The following SYT16 variants were observed in gnomAD, a reference collection of about 807,000 sequenced individuals.
SYT16 encodes the protein synaptotagmin-16.
A neutral mutation model predicts 61.4 loss-of-function variants in SYT16; 42 were observed. The observed-to-expected ratio is 0.68, with a 90% CI of 0.53 to 0.89. The LOEUF (loss-of-function observed/expected upper bound fraction) is 0.89, where lower values mean the gene tolerates loss of function less well. Ranked by LOEUF, SYT16 falls within the 40% of genes least tolerant of loss-of-function variation. The pLI is 0.00. For missense variants in SYT16, 804 were observed against 807.3 expected (o/e 1.00, Z 0.05); for synonymous variants, 314 against 302.3 (o/e 1.04, Z -0.40).
intron 1 of SYT16, among the ~76,000 whole-genome samples, chr14:61,922,274 A>G (rs1160593357): frequency 6.6e-6 from 1 of 152,252 alleles, no homozygotes; most frequent in Non-Finnish European, 1.5e-5. Flanking sequence ...AAAGACATGG[A>G]ATCAACCTAA....
At chr14:62,036,676 C>T (rs1002906829) in intron 3 of SYT16, among the ~76,000 whole-genome samples, 11 of 152,240 alleles carry the variant, frequency 7.2e-5, no homozygotes, top group Admixed American at 4.6e-4. Flanking sequence ...GCAAGAGAGC[C>T]TGTGCAGGGG....
intron 1 of SYT16, among the ~76,000 whole-genome samples, chr14:61,911,244 C>G (rs1025688459): frequency 6.6e-6 from 1 of 152,182 alleles, no homozygotes; most frequent in African/African-American, 2.4e-5. Context: ...CGGCCATAGA[C>G]TAGAACCTAC....
intron 1 of SYT16, among the ~76,000 whole-genome samples, chr14:61,877,995 G>C (rs2047560156): frequency 6.6e-6 from 1 of 152,124 alleles, no homozygotes. Context: ...TGGGCACACA[G>C]ACACACACTG....
In SYT16 at chr14:62,108,524, A is replaced by C. The variant is rs1003948789; in HGVS notation, c.*7817A>C. ...CTTTTTTGAGAGTGTTTCTTTGTCA[A>C]GTTCCTTATAGCCAATGCCTTGACC... is the stretch of plus-strand genomic sequence containing the variant. On this transcript the variant is annotated 3_prime_UTR_variant, in exon 8 of 8. Coordinates refer to ENST00000683842, the MANE Select transcript of SYT16 (RefSeq NM_001367656.1). The C allele has an allele frequency of 1.3e-5, 2 of 152,136 alleles. No homozygotes were observed. The highest frequency in any genetic ancestry group is 2.9e-5 in the Non-Finnish European group (2 of 68,016). The allele number at this position is 152,136 out of a possible 1,614,324, so 9.4% of individuals were successfully genotyped here.
At chr14:61,970,923 G>A (rs112946063) in intron 2 of SYT16, among the ~76,000 whole-genome samples, 2,504 of 132,648 alleles carry the variant, frequency 0.019, 27 homozygotes, top group Non-Finnish European at 0.028. Context: ...TCTTACAGAC[G>A]ATAACTTTGC....
intron 1 of SYT16, among the ~76,000 whole-genome samples, chr14:61,848,525 G>T (rs2046511957): frequency 6.6e-6 from 1 of 152,122 alleles, no homozygotes; most frequent in South Asian, 2.1e-4. Flanking sequence ...GTCAGACCTG[G>T]AACCAGCACA....
At chr14:61,945,415 A>G (rs1220905904) in intron 1 of SYT16, among the ~76,000 whole-genome samples, 4 of 152,220 alleles carry the variant, frequency 2.6e-5, no homozygotes, top group Admixed American at 6.5e-5. Flanking sequence ...AAATCATTGT[A>G]CTATAAAGAC....
intron 1 of SYT16, among the ~76,000 whole-genome samples, chr14:61,882,249 AT>A (rs1038971364): frequency 5.9e-5 from 9 of 152,348 alleles, no homozygotes; most frequent in Admixed American, 2.6e-4. Context: ...GGATTGCACT[AT>A]TAAAAAAAAT....
chr14:62,087,981 G>A (rs1425016435), intron 7 of SYT16, among the ~76,000 whole-genome samples: 1 of 152,166 alleles, frequency 6.6e-6, no homozygotes, highest in Non-Finnish European at 1.5e-5. Context: ...TTTGCACCAA[G>A]TATTGGTGAG....
At chr14:62,088,086 A>G (rs892550843) in intron 7 of SYT16, among the ~76,000 whole-genome samples, 2 of 152,214 alleles carry the variant, frequency 1.3e-5, no homozygotes, top group Non-Finnish European at 2.9e-5. Context: ...CTAAACATGC[A>G]CTGAGAATCT....
chr14:61,895,604 TA>T (rs908030840), intron 1 of SYT16, among the ~76,000 whole-genome samples: 1 of 152,148 alleles, frequency 6.6e-6, no homozygotes, highest in Non-Finnish European at 1.5e-5. Flanking sequence ...CAGTGAATAT[TA>T]GCTGTATTTT....
chr14:62,059,643 G>A (rs2055726786), intron 3 of SYT16, among the ~76,000 whole-genome samples: 1 of 147,438 alleles, frequency 6.8e-6, no homozygotes, highest in Non-Finnish European at 1.5e-5. Flanking sequence ...TTAGATTTAG[G>A]ATTAATTTAT....
At chr14:61,824,344 T>C (rs2045705983) in intron 1 of SYT16, among the ~76,000 whole-genome samples, 1 of 152,064 alleles carries the variant, frequency 6.6e-6, no homozygotes, top group African/African-American at 2.4e-5. Flanking sequence ...ATAATAAGCA[T>C]TTTATTTTAT....
At chr14:61,961,971 A>G (rs2051133818) in intron 1 of SYT16, among the ~76,000 whole-genome samples, 1 of 152,176 alleles carries the variant, frequency 6.6e-6, no homozygotes, top group African/African-American at 2.4e-5. Context: ...TTGCAGCAAC[A>G]TGGATGGAGC....
rs1178624375 is a variant in SYT16, at chr14:61,812,706, C to A, written c.-429C>A. On this transcript the variant is annotated 5_prime_UTR_variant, in exon 1 of 8. Coordinates refer to ENST00000683842, the MANE Select transcript of SYT16 (RefSeq NM_001367656.1). Reference sequence around the variant, plus strand: ...GGCTGTGCGCGGCGCGGCCCCCGAGCGCACCGGGCCTGCCGAGGAGCGCGC... The same window carrying A: ...GGCTGTGCGCGGCGCGGCCCCCGAGAGCACCGGGCCTGCCGAGGAGCGCGC... The A allele has an allele frequency of 1.4e-5, 2 of 147,558 alleles. No individual in the cohort carries two copies. Among genetic ancestry groups the A allele is most frequent in the East Asian group, 3.9e-4 (2 of 5,070 alleles). 9.1% of individuals were successfully genotyped at this position (147,558 alleles called of 1,614,324 possible).
At chr14:61,815,112 T>C (rs557455026) in intron 1 of SYT16, among the ~76,000 whole-genome samples, 4 of 152,244 alleles carry the variant, frequency 2.6e-5, no homozygotes, top group Non-Finnish European at 5.9e-5. Context: ...AACAGATCGC[T>C]GGACTTCACT....
At chr14:61,830,326 C>G (rs1308879718) in intron 1 of SYT16, among the ~76,000 whole-genome samples, 2 of 152,186 alleles carry the variant, frequency 1.3e-5, no homozygotes, top group Non-Finnish European at 2.9e-5. Flanking sequence ...TTGAGTATTA[C>G]ATAATGAGAT....
chr14:62,067,697 G>T (rs1362383735), intron 3 of SYT16, among the ~76,000 whole-genome samples: 1 of 152,132 alleles, frequency 6.6e-6, no homozygotes, highest in Non-Finnish European at 1.5e-5. Flanking sequence ...CAGTATAGAG[G>T]TTCCTAAATA....
At chr14:61,920,865 TAAG>T (rs1205181396) in intron 1 of SYT16, among the ~76,000 whole-genome samples, 1 of 152,212 alleles carries the variant, frequency 6.6e-6, no homozygotes, top group African/African-American at 2.4e-5. Flanking sequence ...CCAGAAAGTT[TAAG>T]AAGTAGCATG....
Sources: gnomAD v4.1 joint callset for allele counts (sites outside exome capture counted in the v4.1 genomes callset) on GRCh38, gnomAD v4.1.1 for gene constraint, MANE v1.5 for transcripts, NCBI Gene and HGNC (gene_info 2026-07-23, HGNC 2026-07-21) for gene names.